Variants in MARCHF1 observed in about 807,000 individuals in gnomAD.
MARCHF1 encodes E3 ubiquitin-protein ligase MARCHF1.
MARCHF1 carries 40 observed loss-of-function variants against 54.2 expected under a neutral mutation model. The observed-to-expected ratio is 0.74, with a 90% CI of 0.57 to 0.96. MARCHF1 has a LOEUF of 0.96. Among genes scored for constraint, MARCHF1 ranks in the 40% least tolerant of loss-of-function variants. The pLI, the probability that MARCHF1 is intolerant of heterozygous loss-of-function variation, is 0.00. For synonymous variants in MARCHF1, 236 were observed against 236.3 expected (o/e 1.00, Z 0.01); for missense variants, 586 against 656.5 (o/e 0.89, Z 1.17).
chr4:163,632,954 G>A (rs1742160810), intron 5 of MARCHF1, among the ~76,000 whole-genome samples: 1 of 151,400 alleles, frequency 6.6e-6, no homozygotes, highest in South Asian at 2.1e-4. Context: ...CCCCTGAGCA[G>A]CCTAACTAGG....
chr4:164,040,626 A>G (rs11732646), intron 2 of MARCHF1, among the ~76,000 whole-genome samples: 60,881 of 151,404 alleles, frequency 0.4, 12,905 homozygotes, highest in Middle Eastern at 0.6. Flanking sequence ...GGCATGCAGG[A>G]TAAATATATT....
chr4:164,087,955 T>C (rs1755224696), intron 2 of MARCHF1, among the ~76,000 whole-genome samples: 1 of 152,140 alleles, frequency 6.6e-6, no homozygotes, highest in African/African-American at 2.4e-5. Context: ...ATGACTGACA[T>C]TGAAATAGAG....
intron 3 of MARCHF1, among the ~76,000 whole-genome samples, chr4:163,859,238 C>T (rs1284653066): frequency 7.2e-5 from 11 of 152,068 alleles, no homozygotes; most frequent in Non-Finnish European, 8.8e-5. Context: ...AACCACTAAC[C>T]TTTCTATGAA....
chr4:164,055,209 T>G (rs1457088093), intron 2 of MARCHF1: 1 of 152,108 alleles, frequency 6.6e-6, no homozygotes, highest in African/African-American at 2.4e-5. Flanking sequence ...TTCGGGAAAC[T>G]GAGGTAGGTG....
chr4:163,818,737 C>T (rs1022985206), intron 4 of MARCHF1, among the ~76,000 whole-genome samples: 6 of 152,142 alleles, frequency 3.9e-5, no homozygotes, highest in African/African-American at 1.2e-4. Flanking sequence ...ATTGACCTCT[C>T]GTTTGTCTCT....
chr4:163,970,922 T>C (rs1579430539), intron 3 of MARCHF1, among the ~76,000 whole-genome samples: 1 of 152,362 alleles, frequency 6.6e-6, no homozygotes, highest in South Asian at 2.1e-4. Flanking sequence ...ACTTTAGTTG[T>C]CAACAGTGCT....
At chr4:164,212,123 G>A (rs1374705311) in intron 1 of MARCHF1, among the ~76,000 whole-genome samples, 2 of 149,354 alleles carry the variant, frequency 1.3e-5, no homozygotes, top group Non-Finnish European at 2.9e-5. Context: ...AGAAAAGAAG[G>A]AAGAGGAGGA....
intron 5 of MARCHF1, among the ~76,000 whole-genome samples, chr4:163,669,090 C>T (rs1037859416): frequency 1.4e-4 from 21 of 152,156 alleles, no homozygotes; most frequent in Admixed American, 1.2e-3. Context: ...ATTTTCGTTT[C>T]TGCAGATCTT....
Position 163,527,206 on chromosome 4 carries a change from A to G in MARCHF1, c.*1542T>C, listed in dbSNP as rs1738142118. The G allele has an allele frequency of 6.6e-6, 1 of 152,056 alleles. No individual in the cohort carries two copies. Among genetic ancestry groups the G allele is most frequent in the Non-Finnish European group, 1.5e-5 (1 of 67,932 alleles). The allele number at this position is 152,056 out of a possible 1,614,324, so 9.4% of individuals were successfully genotyped here. A position where few individuals can be genotyped will look rare whatever the true frequency, so the allele number is the denominator to read the frequency against. ...CGTTAATCTAGCTCACTGCAATGTC[A>G]TTCACACATCAGTTTTACATGAATA... On this transcript the variant is annotated 3_prime_UTR_variant, in exon 10 of 10. Transcript: ENST00000514618.
At chr4:163,657,907 T>G (rs1206061470) in intron 5 of MARCHF1, among the ~76,000 whole-genome samples, 1 of 152,014 alleles carries the variant, frequency 6.6e-6, no homozygotes. Flanking sequence ...ATATAAAAAC[T>G]AACCCAAGAT....
chr4:164,137,589 A>G (rs556823992), intron 1 of MARCHF1, among the ~76,000 whole-genome samples: 1 of 152,316 alleles, frequency 6.6e-6, no homozygotes, highest in African/African-American at 2.4e-5. Context: ...TCTAATAATA[A>G]AAGCTCTGTA....
chr4:164,251,943 ATTAT>A lies in MARCHF1; in HGVS notation c.-323+131923_-323+131926del, dbSNP rs530259774. On this transcript the variant is annotated intron_variant, in intron 1 of 9. Transcript: ENST00000514618. The stretch of plus-strand genomic sequence containing the variant: ...AGATTTTAAAAATTATTTTTATTTG[ATTAT>A]TTAAGAAATTAATAATTTTCATCTT... 3.2e-3 allele frequency among the ~76,000 whole-genome samples: 480 copies of A among 152,332 alleles called. 3 individuals are homozygous for A. Among genetic ancestry groups the A allele is most frequent in the African/African-American group, 0.011 (451 of 41,590 alleles).
chr4:163,963,302 T>C (rs1237010969), intron 3 of MARCHF1, among the ~76,000 whole-genome samples: 3 of 151,942 alleles, frequency 2.0e-5, no homozygotes, highest in Non-Finnish European at 2.9e-5. Context: ...AGGTTTCTAG[T>C]GACTTTATAA....
intron 4 of MARCHF1, among the ~76,000 whole-genome samples, chr4:163,756,512 A>T (rs1448269532): frequency 6.6e-6 from 1 of 151,586 alleles, no homozygotes; most frequent in East Asian, 1.9e-4. Flanking sequence ...ACGTGCCTGT[A>T]GTCCCAGCTA....
chr4:163,828,014 T>TACACACACACAC (rs748460236), intron 4 of MARCHF1, among the ~76,000 whole-genome samples: 6 of 124,572 alleles, frequency 4.8e-5, no homozygotes, highest in East Asian at 5.8e-4. Context: ...TGCGCAGGCA[T>TACACACACACAC]ACACACACAC....
intron 2 of MARCHF1, among the ~76,000 whole-genome samples, chr4:164,005,837 C>T (rs964988195): frequency 6.6e-6 from 1 of 152,096 alleles, no homozygotes; most frequent in Non-Finnish European, 1.5e-5. Flanking sequence ...AACACCTATC[C>T]AGCCTTACCA....
intron 1 of MARCHF1, among the ~76,000 whole-genome samples, chr4:164,185,364 G>T (rs1730939638): frequency 6.6e-6 from 1 of 152,068 alleles, no homozygotes; most frequent in African/African-American, 2.4e-5. Flanking sequence ...CAAAAATATT[G>T]CCATCACTAT....
chr4:163,602,072 C>G (rs570432359), intron 7 of MARCHF1, among the ~76,000 whole-genome samples: 3 of 151,688 alleles, frequency 2.0e-5, no homozygotes, highest in African/African-American at 7.2e-5. Flanking sequence ...CATGCCATTT[C>G]TACAATTTTT....
intron 1 of MARCHF1, among the ~76,000 whole-genome samples, chr4:164,380,749 T>C (rs1731342061): frequency 6.6e-6 from 1 of 152,222 alleles, no homozygotes; most frequent in South Asian, 2.1e-4. Flanking sequence ...CTTTCACTGT[T>C]GTATTTCCAG....
Sources: allele counts gnomAD v4.1 joint callset (sites outside exome capture counted in the v4.1 genomes callset), GRCh38; gene constraint gnomAD v4.1.1; transcripts MANE v1.5; gene names NCBI Gene and HGNC (gene_info 2026-07-23, HGNC 2026-07-21).